USP15: variants seen among roughly 807,000 people sequenced by gnomAD.
USP15 encodes ubiquitin specific peptidase 15.
Under a neutral mutation model 127.1 loss-of-function variants are expected in USP15, and 18 were observed. The observed-to-expected ratio is 0.14, with a 90% CI of 0.10 to 0.21. USP15 has a LOEUF of 0.21. Ranked by LOEUF, USP15 falls within the 10% of genes least tolerant of loss-of-function variation. The pLI, the probability that USP15 is intolerant of heterozygous loss-of-function variation, is 1.00. For missense variants in USP15, 805 were observed against 1,159.9 expected (o/e 0.69, Z 4.44); for synonymous variants, 364 against 393.7 (o/e 0.92, Z 0.89).
intron 21 of USP15, among the ~76,000 whole-genome samples, chr12:62,402,136 G>T (rs2067710165): frequency 6.6e-6 from 1 of 151,288 alleles, no homozygotes; most frequent in South Asian, 2.1e-4. Context: ...CCCTAATCTT[G>T]GCTTCAAATA....
At chr12:62,295,553 G>A (rs1398192736) in intron 2 of USP15, among the ~76,000 whole-genome samples, 1 of 152,060 alleles carries the variant, frequency 6.6e-6, no homozygotes, top group Non-Finnish European at 1.5e-5. Context: ...ATAATGACAA[G>A]CAATGTCAAT....
chr12:62,273,105 T>A (rs2063383076), intron 1 of USP15, among the ~76,000 whole-genome samples: 1 of 152,016 alleles, frequency 6.6e-6, no homozygotes. Context: ...CCAACTTTAT[T>A]TAGTCATTCC....
chr12:62,325,099 A>G (rs2065089158), intron 5 of USP15, among the ~76,000 whole-genome samples: 2 of 151,898 alleles, frequency 1.3e-5, no homozygotes, highest in South Asian at 4.1e-4. Context: ...ATTTTTGCTA[A>G]GTTTTTCTTC....
chr12:62,382,085 A>G (rs1325383369), intron 9 of USP15, among the ~76,000 whole-genome samples: 1 of 152,046 alleles, frequency 6.6e-6, no homozygotes, highest in African/African-American at 2.4e-5. Context: ...AACCCATTTT[A>G]CTTTGAGAGT....
rs146139922 is a variant in USP15, at chr12:62,386,563, A to C, written c.1473+2261A>C. On this transcript the variant is annotated intron_variant, in intron 11 of 21. Transcript: ENST00000280377. Reference sequence around the variant, plus strand: ...GACAATTAGGTTATAAGCAGGTGAAAACTAGAAATAAAAGCATTATAGGCC... The same window carrying C: ...GACAATTAGGTTATAAGCAGGTGAACACTAGAAATAAAAGCATTATAGGCC... 1.2e-3 allele frequency among the ~76,000 whole-genome samples: 176 copies of C among 152,116 alleles called. 3 individuals carry two copies. The highest frequency in any genetic ancestry group is 3.9e-3 in the African/African-American group (163 of 41,512).
chr12:62,280,594 G>A (rs920155048), intron 1 of USP15, among the ~76,000 whole-genome samples: 12 of 152,072 alleles, frequency 7.9e-5, no homozygotes, highest in South Asian at 4.1e-4. Context: ...AATTCCATTC[G>A]TGAGGACTCT....
intron 8 of USP15, among the ~76,000 whole-genome samples, chr12:62,366,114 T>C (rs1162184113): frequency 1.3e-5 from 2 of 152,194 alleles, no homozygotes; most frequent in African/African-American, 4.8e-5. Flanking sequence ...TTGATGGGGA[T>C]AGCATTGAAA....
chr12:62,355,321 T>C lies in USP15; in HGVS notation c.771-10T>C. The C allele has an allele frequency of 6.3e-7, 1 of 1,577,190 alleles. No individual in the cohort carries two copies. Among genetic ancestry groups the C allele is most frequent in the South Asian group, 1.2e-5 (1 of 85,138 alleles). On this transcript the variant is annotated splice_polypyrimidine_tract_variant and intron_variant, in intron 7 of 21. Transcript: ENST00000280377. ...AATTGGCTGCATTATGAAAATTTTT[T>C]TTCTTCCAGTGTGAAAAACTCAAAT... is the stretch of plus-strand genomic sequence containing the variant.
At chr12:62,281,892 G>C (rs2063659695) in intron 1 of USP15, among the ~76,000 whole-genome samples, 1 of 152,100 alleles carries the variant, frequency 6.6e-6, no homozygotes, top group Non-Finnish European at 1.5e-5. Context: ...ATTATAGAAG[G>C]TTTACCAAGT....
intron 6 of USP15, among the ~76,000 whole-genome samples, chr12:62,327,169 A>G (rs1253748944): frequency 2.6e-5 from 4 of 151,976 alleles, no homozygotes; most frequent in Non-Finnish European, 4.4e-5. Context: ...TAAAACTACA[A>G]TGTACCTTTT....
chr12:62,324,086 A>G (rs1262418562), intron 5 of USP15, among the ~76,000 whole-genome samples: 1 of 151,962 alleles, frequency 6.6e-6, no homozygotes, highest in Non-Finnish European at 1.5e-5. Flanking sequence ...GCCTCCCAAA[A>G]TGTGAAGCAT....
intron 4 of USP15, among the ~76,000 whole-genome samples, chr12:62,316,240 G>A (rs1018706949): frequency 8.9e-5 from 13 of 146,004 alleles, no homozygotes; most frequent in South Asian, 6.5e-4. Context: ...GGCCGAAACC[G>A]TACCTCTGTA....
chr12:62,336,756 A>ATTTAGTTTATTTAATT (rs1275712430), intron 6 of USP15: 1 of 155,990 alleles, frequency 6.4e-6, no homozygotes, highest in Non-Finnish European at 1.4e-5. Flanking sequence ...AAATTCTTGT[A>ATTTAGTTTATTTAATT]TATTCTTCTG....
intron 14 of USP15, among the ~76,000 whole-genome samples, chr12:62,390,288 G>A (rs2067281538): frequency 1.3e-5 from 2 of 152,128 alleles, no homozygotes; most frequent in Non-Finnish European, 2.9e-5. Flanking sequence ...TTCATTCTGT[G>A]AAATCATAAC....
intron 1 of USP15, among the ~76,000 whole-genome samples, chr12:62,273,769 G>A (rs534771524): frequency 3.7e-4 from 57 of 152,086 alleles, no homozygotes; most frequent in Middle Eastern, 3.4e-3. Context: ...ATAGGCATGC[G>A]TGTGAACATT....
chr12:62,384,017 T>C lies in USP15; in HGVS notation c.1248+19T>C, dbSNP rs760354850. Reference sequence around the variant, plus strand: ...AGATAAGGTAAATTTCATGATCCTATTGTCACCATTGTTATAATTTTGTGA... The same window carrying C: ...AGATAAGGTAAATTTCATGATCCTACTGTCACCATTGTTATAATTTTGTGA... On this transcript the variant is annotated intron_variant, in intron 10 of 21. Coordinates refer to ENST00000280377, the MANE Select transcript of USP15 (RefSeq NM_001252078.2). 2 of 1,610,824 alleles carry C rather than the reference T, an allele frequency of 1.2e-6. No individual in the cohort carries two copies. The highest frequency in any genetic ancestry group is 1.7e-6 in the Non-Finnish European group (2 of 1,178,400).
chr12:62,368,651 A>G (rs1043962504), intron 8 of USP15, among the ~76,000 whole-genome samples: 1 of 151,550 alleles, frequency 6.6e-6, no homozygotes, highest in Non-Finnish European at 1.5e-5. Flanking sequence ...CTTGCTTTCC[A>G]TTTGGTTGGT....
intron 21 of USP15, among the ~76,000 whole-genome samples, chr12:62,403,283 G>A (rs2067751397): frequency 6.6e-6 from 1 of 151,978 alleles, no homozygotes. Context: ...GGTGGGCTGA[G>A]GACAGAACAT....
chr12:62,268,378 T>C (rs1038251324), intron 1 of USP15, among the ~76,000 whole-genome samples: 1 of 152,164 alleles, frequency 6.6e-6, no homozygotes, highest in Non-Finnish European at 1.5e-5. Flanking sequence ...TACTTGAAAG[T>C]ATTAAAATCA....
Sources: gnomAD v4.1 joint callset for allele counts (sites outside exome capture counted in the v4.1 genomes callset) on GRCh38, gnomAD v4.1.1 for gene constraint, MANE v1.5 for transcripts, NCBI Gene and HGNC (gene_info 2026-07-23, HGNC 2026-07-21) for gene names.